Variants in DNAH5 observed in about 807,000 individuals in gnomAD.
The protein encoded by DNAH5 is dynein axonemal heavy chain 5.
A neutral mutation model predicts 518.2 loss-of-function variants in DNAH5; 372 were observed. The ratio of observed to expected loss-of-function variants is 0.72; its 90% CI spans 0.66 to 0.78. DNAH5 has a LOEUF of 0.78. Ranked by LOEUF, DNAH5 falls within the 30% of genes least tolerant of loss-of-function variation. DNAH5 has a pLI of 0.00. For synonymous variants in DNAH5, 2,039 were observed against 2,025.9 expected (o/e 1.01, Z -0.17); for missense variants, 5,523 against 5,687.0 (o/e 0.97, Z 0.93).
intron 11 of DNAH5, among the ~76,000 whole-genome samples, chr5:13,912,301 T>C (rs1191334283): frequency 2.0e-5 from 3 of 152,036 alleles, no homozygotes; most frequent in Admixed American, 6.6e-5. Flanking sequence ...AATCTCTCAA[T>C]AGACAAAAGT....
chr5:13,692,154 A>G lies in DNAH5; in HGVS notation c.13724-19T>C, dbSNP rs753564987. 8.7e-6 allele frequency: 14 copies of G among 1,613,710 alleles called. No individual in the cohort carries two copies. The South Asian group carries it at 1.3e-4, about 15-fold the overall frequency. On this transcript the variant is annotated intron_variant, in intron 78 of 78. Coordinates refer to ENST00000265104, the MANE Select transcript of DNAH5 (RefSeq NM_001369.3). ...CGTAAAGCTACAAAAAACATAAAAG[A>G]AAAGAACTTGGTGAAATTTCCACTT... is the stretch of plus-strand genomic sequence containing the variant.
At chr5:13,724,622 G>A (rs1229483863) in intron 70 of DNAH5, among the ~76,000 whole-genome samples, 1 of 152,208 alleles carries the variant, frequency 6.6e-6, no homozygotes, top group Non-Finnish European at 1.5e-5. Flanking sequence ...ATCTCATGTT[G>A]AAATGTAATC....
chr5:13,989,355 T>C (rs1783327388), intron 1 of DNAH5, among the ~76,000 whole-genome samples: 1 of 151,406 alleles, frequency 6.6e-6, no homozygotes, highest in Non-Finnish European at 1.5e-5. Flanking sequence ...TTTAATTAAG[T>C]CGAAAGACAT....
intron 47 of DNAH5, among the ~76,000 whole-genome samples, chr5:13,798,348 T>C (rs1758153550): frequency 6.6e-6 from 1 of 152,122 alleles, no homozygotes; most frequent in African/African-American, 2.4e-5. Context: ...TCTTTCAAAA[T>C]GTATGCATGA....
At chr5:13,749,128 G>T (rs6897741) in intron 65 of DNAH5, among the ~76,000 whole-genome samples, 55,058 of 151,816 alleles carry the variant, frequency 0.36, 10,330 homozygotes, top group South Asian at 0.5. Context: ...CCATGAAAAT[G>T]AAGCCCAGCA....
At chr5:13,827,122 A>G (rs1285101944) in intron 38 of DNAH5, among the ~76,000 whole-genome samples, 2 of 152,220 alleles carry the variant, frequency 1.3e-5, no homozygotes, top group African/African-American at 4.8e-5. Flanking sequence ...AACTTGAGAG[A>G]AATAATTTAG....
At chr5:13,991,683 G>C (rs564081044) in intron 1 of DNAH5, among the ~76,000 whole-genome samples, 34 of 152,090 alleles carry the variant, frequency 2.2e-4, no homozygotes, top group Non-Finnish European at 3.8e-4. Context: ...CGAGGGAGGC[G>C]TGAAGACAGA....
chr5:13,740,581 C>T (rs1748345184), intron 65 of DNAH5, among the ~76,000 whole-genome samples: 2 of 152,212 alleles, frequency 1.3e-5, no homozygotes, highest in Admixed American at 6.6e-5. Context: ...AGGCCTGGAA[C>T]AGCATCTGGG....
chr5:13,825,085 T>C (rs1212945582), intron 38 of DNAH5, among the ~76,000 whole-genome samples: 1 of 152,204 alleles, frequency 6.6e-6, no homozygotes, highest in African/African-American at 2.4e-5. Flanking sequence ...CTTACACCCA[T>C]AATCCCAGCA....
intron 22 of DNAH5, among the ~76,000 whole-genome samples, chr5:13,875,382 G>A (rs923750777): frequency 4.1e-5 from 6 of 147,100 alleles, no homozygotes; most frequent in Admixed American, 3.5e-4. Flanking sequence ...CAGGAGAATC[G>A]CTTGAACCTG....
chr5:13,900,108 G>T, intron 15 of DNAH5, 98 bp downstream of exon 15: 2 of 1,128,438 alleles, frequency 1.8e-6, no homozygotes, highest in Non-Finnish European at 1.3e-6. Context: ...ATTCATCCTG[G>T]CCACTTTCTG....
intron 16 of DNAH5, 26 bp downstream of exon 16, chr5:13,894,624 A>G (rs1773678326): frequency 6.2e-7 from 1 of 1,611,370 alleles, no homozygotes. Context: ...AGAATTCAGA[A>G]ATACTAATTA....
rs1554103992 is a variant in DNAH5 at position 13,921,475 on chromosome 5, T to TCTCACACACACACA, written c.660+631_660+632insTGTGTGTGTGTGAG. Reference sequence around the variant, plus strand: ...CTCTCTCTCTTGCTCTATCTCTCTCTCACACACACACACACACACACACAC... The same window carrying TCTCACACACACACA: ...CTCTCTCTCTTGCTCTATCTCTCTCTCTCACACACACACACACACACACACACACACACACACAC... On this transcript the variant is annotated intron_variant, in intron 5 of 78. Transcript: ENST00000265104. Among the ~76,000 whole-genome samples the TCTCACACACACACA allele has an allele frequency of 3.5e-4, 26 of 73,762 alleles. 1 individual carries two copies. The highest frequency in any genetic ancestry group is 3.2e-4 in the Non-Finnish European group (11 of 34,022). 48.4% of individuals were successfully genotyped at this position (73,762 alleles called of 152,430 possible).
At chr5:13,987,458 A>C (rs1189370301) in intron 1 of DNAH5, among the ~76,000 whole-genome samples, 4 of 152,084 alleles carry the variant, frequency 2.6e-5, no homozygotes, top group Non-Finnish European at 4.4e-5. Flanking sequence ...ACATAACACT[A>C]ATCAACTGCT....
At chr5:13,891,167 T>C (rs770644592) in intron 16 of DNAH5, 46 bp from the exon 17 acceptor site, 3 of 1,608,250 alleles carry the variant, frequency 1.9e-6, no homozygotes, top group Non-Finnish European at 2.6e-6. Flanking sequence ...GGTAAAGCAT[T>C]TTGTTTTTTA....
chr5:14,000,742 C>G (rs1338653464), intron 1 of DNAH5, among the ~76,000 whole-genome samples: 1 of 152,048 alleles, frequency 6.6e-6, no homozygotes, highest in African/African-American at 2.4e-5. Flanking sequence ...CGTGATTTCT[C>G]AAAGAACTAA....
At chr5:13,752,429 C>A in intron 63 of DNAH5, 140 bp from the exon 64 acceptor site, 1 of 1,039,350 alleles carries the variant, frequency 9.6e-7, no homozygotes, top group Non-Finnish European at 1.4e-6. Context: ...TTCCCAAATA[C>A]AAAACTTGTT....
At chr5:13,695,272 G>C (rs1308147660) in intron 78 of DNAH5, among the ~76,000 whole-genome samples, 1 of 152,140 alleles carries the variant, frequency 6.6e-6, no homozygotes, top group Non-Finnish European at 1.5e-5. Context: ...GTCCTCTACC[G>C]GTGAACAGGG....
rs1238800897 is a variant in DNAH5 at position 13,752,176 on chromosome 5, A to G, written c.10986T>C (p.Asn3662=). The G allele has an allele frequency of 2.5e-6, 4 of 1,614,022 alleles. No individual in the cohort carries two copies. The South Asian group carries it at 4.4e-5, about 18-fold the overall frequency. Residue 3662 remains asparagine, a synonymous_variant, in exon 64 of 79, where the codon AAT becomes AAC. Coordinates refer to ENST00000265104, the MANE Select transcript of DNAH5 (RefSeq NM_001369.3). ...VGEELDPALD[N]VLERNFIKTG... The stretch of plus-strand genomic sequence containing the variant: ...TTTTAATGAAGTTTCTTTCCAAAAC[A>G]TTATCTAGTGCTGGATCTAGTTCCT...
Sources: allele counts gnomAD v4.1 joint callset (sites outside exome capture counted in the v4.1 genomes callset), GRCh38; gene constraint gnomAD v4.1.1; transcripts MANE v1.5; gene names NCBI Gene and HGNC (gene_info 2026-07-23, HGNC 2026-07-21).